PCNT: variants seen among roughly 807,000 people sequenced by gnomAD.
PCNT encodes the protein pericentrin.
A neutral mutation model predicts 380.4 loss-of-function variants in PCNT; 319 were observed. The observed-to-expected ratio is 0.84, with a 90% CI of 0.77 to 0.92. The LOEUF is 0.92. Ranked by LOEUF, PCNT falls within the 40% of genes least tolerant of loss-of-function variation. PCNT has a pLI of 0.00. For missense variants in PCNT, 4,400 were observed against 4,255.3 expected (o/e 1.03, Z -0.95); for synonymous variants, 1,845 against 1,735.2 (o/e 1.06, Z -1.57).
Position 46,422,107 on chromosome 21 carries a change from C to T in PCNT, c.7162C>T (p.Arg2388Cys), listed in dbSNP as rs201562329. The T allele has an allele frequency of 6.2e-5, 100 of 1,613,780 alleles. No individual in the cohort carries two copies. The highest frequency in any genetic ancestry group is 1.9e-4 in the African/African-American group (14 of 75,056). The change falls in exon 32 of 47, where the codon CGT becomes TGT. Residue 2388 changes from arginine (R) to cysteine (C), a missense_variant. Physicochemically the swap from Arg to Cys is radical, Grantham distance 180. Transcript: ENST00000359568. ...LPEAMKEKEV[R>C]PKHVKALLQM... ...GGAAGCCATGAAGGAGAAGGAAGTG[C>T]GTCCGAAGCACGTGAAGGTATGGCT... is the stretch of plus-strand genomic sequence containing the variant.
chr21:46,356,337 G>T (rs908739221), intron 12 of PCNT, among the ~76,000 whole-genome samples: 1 of 152,220 alleles, frequency 6.6e-6, no homozygotes, highest in Non-Finnish European at 1.5e-5. Flanking sequence ...CAAGCTGGGG[G>T]TGGTGCAGCG....
chr21:46,431,646 C>A lies in PCNT; in HGVS notation c.8182C>A (p.Arg2728Ser). The A allele has an allele frequency of 1.2e-6, 2 of 1,613,854 alleles. No homozygotes were observed. Among genetic ancestry groups the A allele is most frequent in the Non-Finnish European group, 8.5e-7 (1 of 1,179,898 alleles). ...GAAGGAGCTGCGTATCGAGCACTCA[C>A]GCTGCGAGGCCTTGCTGGCTCAGGA... Reference protein sequence around the residue: ...LQKELRIEHSRCEALLAQERS... With the variant: ...LQKELRIEHSSCEALLAQERS... The change falls in exon 38 of 47, where the codon CGC becomes AGC. Residue 2728 changes from arginine (R) to serine (S), a missense_variant. Coordinates refer to ENST00000359568, the MANE Select transcript of PCNT (RefSeq NM_006031.6).
intron 29 of PCNT, among the ~76,000 whole-genome samples, chr21:46,415,442 A>G (rs1272020832): frequency 6.4e-5 from 8 of 124,360 alleles, no homozygotes; most frequent in Non-Finnish European, 1.1e-4. Flanking sequence ...CAGTGGCGAG[A>G]TCTTGAGATC....
At chr21:46,393,293 G>A (rs990830831) in intron 21 of PCNT, among the ~76,000 whole-genome samples, 3 of 152,182 alleles carry the variant, frequency 2.0e-5, no homozygotes, top group African/African-American at 7.2e-5. Context: ...TGACGCCCTC[G>A]TTTTCCTGCA....
chr21:46,436,101 C>T lies in PCNT; in HGVS notation c.8949C>T (p.Leu2983=). Residue 2983 remains leucine (L), a synonymous_variant, in exon 39 of 47, where the codon CTC becomes CTT. Coordinates refer to ENST00000359568, the MANE Select transcript of PCNT (RefSeq NM_006031.6). ...RELEAMRQRL[L]SAARLLTSFT... ...TGGAGGCGATGAGGCAGCGGCTGCT[C>T]TCTGCCGCCCGGCTTCTCACCAGCT... 6.2e-7 allele frequency: 1 copy of T among 1,611,214 alleles called. No homozygotes were observed. The highest frequency in any genetic ancestry group is 8.5e-7 in the Non-Finnish European group (1 of 1,179,852).
chr21:46,417,497 T>A (rs967401890), intron 30 of PCNT, among the ~76,000 whole-genome samples: 3 of 152,098 alleles, frequency 2.0e-5, no homozygotes. Context: ...CAGCCAGAAA[T>A]GCTTCATATT....
chr21:46,432,158 GCA>G lies in PCNT; in HGVS notation c.8695_8696del (p.Gln2899GlufsTer28). On this transcript the variant is annotated frameshift_variant, in exon 38 of 47. Coordinates refer to ENST00000359568, the MANE Select transcript of PCNT (RefSeq NM_006031.6). LOFTEE classifies it high-confidence loss of function. ...CTGCGAGGAGGAGCGCGGAGGCCAG[GCA>G]GAGCCCAGCGGCTGCGGAGCAGTGG... ...KAARRSAEAR[Q>X]SPAAAEQWRK... 1 of 1,613,586 alleles carries G rather than the reference GCA, an allele frequency of 6.2e-7. No individual in the cohort carries two copies. Among genetic ancestry groups the G allele is most frequent in the Middle Eastern group, 1.7e-4 (1 of 5,860 alleles).
chr21:46,375,628 G>A (rs1426256074), intron 15 of PCNT, among the ~76,000 whole-genome samples: 22 of 152,222 alleles, frequency 1.4e-4, no homozygotes, highest in Admixed American at 1.4e-3. Flanking sequence ...TTGAGGGGGT[G>A]GCTGAGGACG....
chr21:46,334,580 C>A lies in PCNT; in HGVS notation c.451C>A (p.His151Asn). Residue 151 changes from histidine (H) to asparagine (N), a missense_variant, in exon 3 of 47, where the codon CAC (histidine) becomes AAC (asparagine). By Grantham distance (68) the His-to-Asn change is moderately conservative. Transcript: ENST00000359568. ...GCGTGGGATGTTCACAGTCAGTGACCACCCACCAGAACAGCATGGGATGTT... is the reference window on the plus strand; with the variant it reads ...GCGTGGGATGTTCACAGTCAGTGACAACCCACCAGAACAGCATGGGATGTT... The part of the protein sequence containing the change: ...EQRGMFTVSD[H>N]PPEQHGMFTV... The A allele has an allele frequency of 6.4e-7, 1 of 1,573,694 alleles. No homozygotes were observed. The highest frequency in any genetic ancestry group is 1.1e-5 in the South Asian group (1 of 90,756).
At chr21:46,327,008 C>G (rs1215752508) in intron 2 of PCNT, among the ~76,000 whole-genome samples, 8 of 148,428 alleles carry the variant, frequency 5.4e-5, no homozygotes, top group Admixed American at 6.7e-5. Flanking sequence ...GCGAGACTCT[C>G]TCTCAAAAAA....
intron 27 of PCNT, among the ~76,000 whole-genome samples, chr21:46,404,324 C>A (rs183340619): frequency 6.6e-6 from 1 of 152,252 alleles, no homozygotes; most frequent in Non-Finnish European, 1.5e-5. Flanking sequence ...CATTTCATAT[C>A]TGTAGGGTCA....
At chr21:46,387,866 G>C (rs1290582613) in intron 17 of PCNT, among the ~76,000 whole-genome samples, 1 of 152,096 alleles carries the variant, frequency 6.6e-6, no homozygotes, top group Non-Finnish European at 1.5e-5. Flanking sequence ...CATAGTGCAG[G>C]GAGCGAGATG....
Position 46,432,043 on chromosome 21 carries a change from C to G in PCNT, c.8579C>G (p.Ser2860Cys), listed in dbSNP as rs997041502. Residue 2860 changes from serine to cysteine, a missense_variant, in exon 38 of 47, where the codon TCT becomes TGT. Coordinates refer to ENST00000359568, the MANE Select transcript of PCNT (RefSeq NM_006031.6). ...ACCCAAAAACGAGAGCTGAGATGCTCTCTGGAGAGAGAGAGGGAGAAACCA... is the reference window on the plus strand; with the variant it reads ...ACCCAAAAACGAGAGCTGAGATGCTGTCTGGAGAGAGAGAGGGAGAAACCA... ...LHTQKRELRC[S>C]LEREREKPAW... 6.2e-7 allele frequency: 1 copy of G among 1,613,978 alleles called. No individual in the cohort carries two copies. The highest frequency in any genetic ancestry group is 2.2e-5 in the East Asian group (1 of 44,878).
At chr21:46,407,338 C>CTTTTTTTT (rs2086648495) in intron 27 of PCNT, among the ~76,000 whole-genome samples, 1 of 88,792 alleles carries the variant, frequency 1.1e-5, no homozygotes, top group Non-Finnish European at 2.3e-5. Context: ...TTTATACTTT[C>CTTTTTTTT]TCTTTTTTTT....
chr21:46,370,466 G>A (rs2085080524), intron 15 of PCNT, among the ~76,000 whole-genome samples: 1 of 151,914 alleles, frequency 6.6e-6, no homozygotes, highest in South Asian at 2.1e-4. Flanking sequence ...AGGGGTGCCT[G>A]CCAGCTGATG....
intron 41 of PCNT, among the ~76,000 whole-genome samples, chr21:46,439,053 G>A (rs568952345): frequency 6.6e-6 from 1 of 151,898 alleles, no homozygotes; most frequent in East Asian, 1.9e-4. Context: ...TTGTATTTAG[G>A]CTATTTTGTT....
chr21:46,427,788 G>A lies in PCNT; in HGVS notation c.7487G>A (p.Arg2496His), dbSNP rs1470262957. The A allele has an allele frequency of 3.1e-6, 5 of 1,613,328 alleles. No homozygotes were observed. Among genetic ancestry groups the A allele is most frequent in the East Asian group, 2.2e-5 (1 of 44,880 alleles). The stretch of plus-strand genomic sequence containing the variant: ...CTCGAAAGGCTGGAGAAGATCATCC[G>A]TGAGCAGGTGAGTGTCAGCTCTGCC... ...SLLERLEKII[R>H]EQGDLQEKSL... Residue 2496 changes from arginine to histidine, a missense_variant, in exon 34 of 47, where the codon CGT becomes CAT. Physicochemically the swap from Arg to His is conservative, Grantham distance 29. Coordinates refer to ENST00000359568, the MANE Select transcript of PCNT (RefSeq NM_006031.6).
At chr21:46,368,123 C>T (rs952851521) in intron 15 of PCNT, among the ~76,000 whole-genome samples, 3 of 152,100 alleles carry the variant, frequency 2.0e-5, no homozygotes, top group African/African-American at 7.2e-5. Context: ...TGCCACTGCA[C>T]TCCAGCCTGG....
intron 15 of PCNT, among the ~76,000 whole-genome samples, chr21:46,379,550 A>G (rs534110555): frequency 9.2e-5 from 14 of 152,208 alleles, no homozygotes; most frequent in African/African-American, 2.4e-4. Flanking sequence ...CGTGTCTTCA[A>G]GGGTTCCTCT....
Sources: gnomAD v4.1 joint callset for allele counts (sites outside exome capture counted in the v4.1 genomes callset) on GRCh38, gnomAD v4.1.1 for gene constraint, MANE v1.5 for transcripts, NCBI Gene and HGNC (gene_info 2026-07-23, HGNC 2026-07-21) for gene names.